Variants in SCMH1 observed in about 807,000 individuals in gnomAD.
The protein encoded by SCMH1 is polycomb protein SCMH1.
SCMH1 carries 37 observed loss-of-function variants against 70.8 expected under a neutral mutation model. That is an observed-to-expected ratio of 0.52 (90% CI 0.40 to 0.69). The LOEUF (loss-of-function observed/expected upper bound fraction) is 0.69. Ranked by LOEUF, SCMH1 falls within the 30% of genes least tolerant of loss-of-function variation. SCMH1 has a pLI of 0.00. For missense variants in SCMH1, 607 were observed against 827.3 expected (o/e 0.73, Z 3.27); for synonymous variants, 292 against 307.4 (o/e 0.95, Z 0.52).
intron 1 of SCMH1, among the ~76,000 whole-genome samples, chr1:41,193,760 A>C (rs1184933495): frequency 1.3e-5 from 2 of 152,160 alleles, no homozygotes; most frequent in Non-Finnish European, 2.9e-5. Flanking sequence ...AGTAGAAATG[A>C]GGCACCTTGT....
intron 2 of SCMH1, among the ~76,000 whole-genome samples, chr1:41,173,812 C>T (rs1389362769): frequency 6.6e-6 from 1 of 151,990 alleles, no homozygotes; most frequent in African/African-American, 2.4e-5. Flanking sequence ...TAATTTGTGG[C>T]AACATGGATT....
intron 1 of SCMH1, among the ~76,000 whole-genome samples, chr1:41,215,847 T>C (rs1657967601): frequency 6.6e-6 from 1 of 152,192 alleles, no homozygotes; most frequent in African/African-American, 2.4e-5. Context: ...ATATACTGCC[T>C]GACAGTAGCA....
chr1:41,167,907 GTTTTGTTTT>G (rs1646516093), intron 2 of SCMH1, among the ~76,000 whole-genome samples: 1 of 49,706 alleles, frequency 2.0e-5, no homozygotes, highest in Non-Finnish European at 3.7e-5. Flanking sequence ...TGCTGGCAGT[GTTTTGTTTT>G]TTTTTTTTTT....
At chr1:41,122,635 A>G (rs913109832) in intron 6 of SCMH1, among the ~76,000 whole-genome samples, 6 of 152,186 alleles carry the variant, frequency 3.9e-5, no homozygotes, top group Admixed American at 3.9e-4. Flanking sequence ...GAATTTATTA[A>G]TCATCTTGCA....
intron 13 of SCMH1, 56 bp downstream of exon 14, chr1:41,033,927 T>C: frequency 1.2e-6 from 2 of 1,611,966 alleles, no homozygotes; most frequent in Non-Finnish European, 1.7e-6. Flanking sequence ...CACAAAGTAC[T>C]CTTCTCAGAA....
intron 5 of SCMH1, among the ~76,000 whole-genome samples, chr1:41,143,414 G>A (rs1249079282): frequency 1.3e-5 from 2 of 151,924 alleles, no homozygotes; most frequent in African/African-American, 4.8e-5. Flanking sequence ...TTCCAGGTAG[G>A]GACTTTTAAT....
intron 1 of SCMH1, among the ~76,000 whole-genome samples, chr1:41,219,333 GT>G (rs1459697002): frequency 1.3e-5 from 2 of 152,176 alleles, no homozygotes; most frequent in Non-Finnish European, 1.5e-5. Flanking sequence ...TCTGTGAGTT[GT>G]TCCAGTGAAT....
At chr1:41,214,207 T>C (rs1000994304) in intron 1 of SCMH1, among the ~76,000 whole-genome samples, 3 of 152,172 alleles carry the variant, frequency 2.0e-5, no homozygotes, top group Admixed American at 6.5e-5. Flanking sequence ...TACAGGTTTT[T>C]AAATTGACCT....
chr1:41,110,612 A>G (rs1669043585), intron 8 of SCMH1, among the ~76,000 whole-genome samples: 1 of 152,154 alleles, frequency 6.6e-6, no homozygotes, highest in South Asian at 2.1e-4. Context: ...TGTAGCATGT[A>G]TTAGTACTTT....
chr1:41,241,867 GAC>G (rs1283163649), intron 1 of SCMH1, among the ~76,000 whole-genome samples, 190 bp downstream of exon 1: 2 of 151,696 alleles, frequency 1.3e-5, no homozygotes, highest in African/African-American at 4.8e-5. Flanking sequence ...GGGCCGGGCT[GAC>G]ACGGCCGAGA....
chr1:41,201,374 G>T (rs1447708736), intron 1 of SCMH1, among the ~76,000 whole-genome samples: 1 of 152,052 alleles, frequency 6.6e-6, no homozygotes, highest in South Asian at 2.1e-4. Context: ...ACTTCCTCAG[G>T]GCTGCCAATT....
At chr1:41,186,808 C>T (rs1415580978) in intron 1 of SCMH1, among the ~76,000 whole-genome samples, 1 of 152,168 alleles carries the variant, frequency 6.6e-6, no homozygotes, top group African/African-American at 2.4e-5. Context: ...AAGGTGTCAT[C>T]TATAAGCTAA....
At chr1:41,237,289 G>A (rs929783251) in intron 1 of SCMH1, among the ~76,000 whole-genome samples, 1 of 152,086 alleles carries the variant, frequency 6.6e-6, no homozygotes, top group African/African-American at 2.4e-5. Flanking sequence ...TTAACCTCAC[G>A]AAGCCTATCA....
At chr1:41,165,934 A>G (rs902391767) in intron 2 of SCMH1, among the ~76,000 whole-genome samples, 1 of 151,878 alleles carries the variant, frequency 6.6e-6, no homozygotes, top group African/African-American at 2.4e-5. Flanking sequence ...TTTTGGGTTC[A>G]TATCAAAGAA....
At chr1:41,037,338 G>A (rs776466589) in intron 13 of SCMH1, 24 bp downstream of exon 13, 1 of 1,607,672 alleles carries the variant, frequency 6.2e-7, no homozygotes, top group African/African-American at 1.3e-5. Flanking sequence ...GAGGGAAGGA[G>A]GGCCAGGACT....
At chr1:41,237,342 C>CTACAA (rs1380037699) in intron 1 of SCMH1, among the ~76,000 whole-genome samples, 1 of 152,156 alleles carries the variant, frequency 6.6e-6, no homozygotes, top group Admixed American at 6.5e-5. Flanking sequence ...AACTACAAAA[C>CTACAA]AAATCTTAGA....
At chr1:41,160,636 AT>A in intron 4 of SCMH1, among the ~76,000 whole-genome samples, 1 of 152,248 alleles carries the variant, frequency 6.6e-6, no homozygotes. Context: ...ACCCCATGTA[AT>A]TAACCACCTT....
At chr1:41,166,049 C>CT (rs1157449130) in intron 2 of SCMH1, among the ~76,000 whole-genome samples, 1 of 152,000 alleles carries the variant, frequency 6.6e-6, no homozygotes, top group African/African-American at 2.4e-5. Context: ...TAAAGATCCA[C>CT]TTTCATTCTT....
intron 2 of SCMH1, among the ~76,000 whole-genome samples, chr1:41,167,315 G>A (rs769823958): frequency 6.6e-6 from 1 of 152,094 alleles, no homozygotes; most frequent in African/African-American, 2.4e-5. Flanking sequence ...TCAGATGAAG[G>A]GAGATGTAGT....
Sources: gnomAD v4.1 joint callset for allele counts (sites outside exome capture counted in the v4.1 genomes callset) on GRCh38, gnomAD v4.1.1 for gene constraint, MANE v1.5 for transcripts, NCBI Gene and HGNC (gene_info 2026-07-23, HGNC 2026-07-21) for gene names.